The following ALKBH5 variants were observed in gnomAD, a reference collection of about 807,000 sequenced individuals.
The protein encoded by ALKBH5 is alkB homolog 5, RNA demethylase.
Under a neutral mutation model 32.1 loss-of-function variants are expected in ALKBH5, and 2 were observed. The ratio of observed to expected loss-of-function variants is 0.06; its 90% CI spans 0.03 to 0.20. The LOEUF is 0.20. ALKBH5 is among the 10% of genes least tolerant of loss of function. The pLI, the probability that ALKBH5 is intolerant of heterozygous loss-of-function variation, is 1.00. For missense variants in ALKBH5, 352 were observed against 559.5 expected (o/e 0.63, Z 3.74); for synonymous variants, 300 against 231.7 (o/e 1.29, Z -2.68).
At chr17:18,203,191 A>T (rs890939041) in intron 2 of ALKBH5, among the ~76,000 whole-genome samples, 1 of 151,710 alleles carries the variant, frequency 6.6e-6, no homozygotes, top group South Asian at 2.1e-4. Context: ...AAGTGCTGGG[A>T]TTACAGGTGT....
chr17:18,208,488 G>GTTTTTGT lies in ALKBH5; in HGVS notation c.*112_*118dup, dbSNP rs142135062. 7.8e-7 allele frequency: 1 copy of GTTTTTGT among 1,276,040 alleles called. No individual in the cohort carries two copies. Among genetic ancestry groups the GTTTTTGT allele is most frequent in the Non-Finnish European group, 1.1e-6 (1 of 901,774 alleles). The allele number at this position is 1,276,040 out of a possible 1,614,324, so 79.0% of individuals were successfully genotyped here. A position where few individuals can be genotyped will look rare whatever the true frequency, so the allele number is the denominator to read the frequency against. On this transcript the variant is annotated 3_prime_UTR_variant, in exon 4 of 4. Coordinates refer to ENST00000399138, the MANE Select transcript of ALKBH5 (RefSeq NM_017758.4). ...GGGTTTTGTTTTTGTTCATTGGGGG[G>GTTTTTGT]TTTTTGTTTTTTGTTTTTTGTTTTT...
intron 2 of ALKBH5, among the ~76,000 whole-genome samples, chr17:18,196,742 C>T (rs2047206689): frequency 6.6e-6 from 1 of 152,154 alleles, no homozygotes; most frequent in Non-Finnish European, 1.5e-5. Flanking sequence ...ATACTGTACC[C>T]TTAGGAAGGA....
chr17:18,189,241 G>C (rs12450483), intron 1 of ALKBH5, among the ~76,000 whole-genome samples: 23,836 of 151,990 alleles, frequency 0.16, 2,511 homozygotes, highest in East Asian at 0.54. Context: ...AATTAGCTGG[G>C]TGTGGTGGCG....
chr17:18,196,033 CCTATTTGTT>C (rs988609132), intron 2 of ALKBH5, among the ~76,000 whole-genome samples: 1 of 152,070 alleles, frequency 6.6e-6, no homozygotes, highest in Non-Finnish European at 1.5e-5. Context: ...TCCCATTTCT[CCTATTTGTT>C]AATTTTTTAT....
intron 1 of ALKBH5, among the ~76,000 whole-genome samples, chr17:18,187,053 T>C (rs1285753207): frequency 6.6e-6 from 1 of 152,118 alleles, no homozygotes; most frequent in African/African-American, 2.4e-5. Context: ...ACTAGGGATT[T>C]GGTGGAGCCT....
chr17:18,209,288 G>A lies in ALKBH5; in HGVS notation c.*892G>A, dbSNP rs1209340211. 6.5e-6 allele frequency: 1 copy of A among 152,712 alleles called. No individual in the cohort carries two copies. The highest frequency in any genetic ancestry group is 2.4e-5 in the African/African-American group (1 of 41,452). 9.5% of individuals were successfully genotyped at this position (152,712 alleles called of 1,614,324 possible). On this transcript the variant is annotated 3_prime_UTR_variant, in exon 4 of 4. Coordinates refer to ENST00000399138, the MANE Select transcript of ALKBH5 (RefSeq NM_017758.4). ...GAAAATTGTTGTGGTGTGTGGTAGG[G>A]TTTTTGTTTTCTTTTTTGAGTTTTT...
At chr17:18,207,186 G>C (rs955590546) in intron 3 of ALKBH5, among the ~76,000 whole-genome samples, 3 of 152,214 alleles carry the variant, frequency 2.0e-5, no homozygotes, top group Non-Finnish European at 1.5e-5. Context: ...GGCAGAGACT[G>C]TAACAGATGG....
chr17:18,200,173 A>G (rs1301836322), intron 2 of ALKBH5, among the ~76,000 whole-genome samples: 1 of 150,958 alleles, frequency 6.6e-6, no homozygotes, highest in African/African-American at 2.4e-5. Flanking sequence ...TGAGCTTGGT[A>G]GATCTGGCCC....
Position 18,208,373 on chromosome 17 carries a change from A to G in ALKBH5, c.1162A>G (p.Lys388Glu). 2 of 1,613,366 alleles carry G rather than the reference A, an allele frequency of 1.2e-6. No homozygotes were observed. The highest frequency in any genetic ancestry group is 1.7e-6 in the Non-Finnish European group (2 of 1,179,598). ...CSEAAGSPARKVKMRRH is the reference protein window; with the variant it reads ...CSEAAGSPAREVKMRRH ...TGAGGCAGCAGGCAGCCCTGCCCGAAAGGTGAAGATGCGGCGGCACTGAGT... is the reference window on the plus strand; with the variant it reads ...TGAGGCAGCAGGCAGCCCTGCCCGAGAGGTGAAGATGCGGCGGCACTGAGT... Residue 388 changes from lysine to glutamate, a missense_variant, in exon 4 of 4, where the codon AAG becomes GAG. Coordinates refer to ENST00000399138, the MANE Select transcript of ALKBH5 (RefSeq NM_017758.4).
intron 2 of ALKBH5, among the ~76,000 whole-genome samples, chr17:18,201,785 AGGATAGATAAGATAGAT>A (rs2047238895): frequency 4.6e-5 from 5 of 107,770 alleles, no homozygotes; most frequent in East Asian, 3.0e-4. Flanking sequence ...ATAGATAGAT[AGGATAGATAAGATAGAT>A]AGATAGATAG....
Position 18,208,497 on chromosome 17 carries a change from T to C in ALKBH5, c.*101T>C. 1 of 1,308,866 alleles carries C rather than the reference T, an allele frequency of 7.6e-7. No homozygotes were observed. The highest frequency in any genetic ancestry group is 1.1e-6 in the Non-Finnish European group (1 of 938,270). The allele number at this position is 1,308,866 out of a possible 1,614,324, so 81.1% of individuals were successfully genotyped here. ...TTTTGTTCATTGGGGGGTTTTTGTT[T>C]TTTGTTTTTTGTTTTTTTTGATTCT... On this transcript the variant is annotated 3_prime_UTR_variant, in exon 4 of 4. Transcript: ENST00000399138.
At chr17:18,192,683 G>A (rs2047183558) in intron 1 of ALKBH5, among the ~76,000 whole-genome samples, 1 of 152,172 alleles carries the variant, frequency 6.6e-6, no homozygotes, top group Non-Finnish European at 1.5e-5. Context: ...ACTGTGGGCT[G>A]ATGGGTATTA....
At chr17:18,203,846 CA>C (rs1205953467) in intron 2 of ALKBH5, among the ~76,000 whole-genome samples, 10 of 152,140 alleles carry the variant, frequency 6.6e-5, no homozygotes, top group African/African-American at 2.2e-4. Context: ...ATAACAGTCC[CA>C]GGGGATGTGT....
At chr17:18,202,346 A>T (rs899690663) in intron 2 of ALKBH5, among the ~76,000 whole-genome samples, 1 of 152,028 alleles carries the variant, frequency 6.6e-6, no homozygotes, top group African/African-American at 2.4e-5. Flanking sequence ...CAGAAGTCTG[A>T]TGTTGGCAGG....
At chr17:18,204,373 C>T (rs966089795) in intron 2 of ALKBH5, among the ~76,000 whole-genome samples, 3 of 151,376 alleles carry the variant, frequency 2.0e-5, no homozygotes, top group Non-Finnish European at 2.9e-5. Context: ...GTTGCTTGAA[C>T]GCGGGAGGCG....
chr17:18,191,832 C>A (rs946892494), intron 1 of ALKBH5, among the ~76,000 whole-genome samples: 15 of 151,842 alleles, frequency 9.9e-5, no homozygotes, highest in Admixed American at 2.0e-4. Flanking sequence ...GCCTGTAGTC[C>A]CAGTTACTTG....
At chr17:18,207,634 G>C (rs1187726750) in intron 3 of ALKBH5, among the ~76,000 whole-genome samples, 1 of 151,588 alleles carries the variant, frequency 6.6e-6, no homozygotes, top group Non-Finnish European at 1.5e-5. Context: ...CTGCACTCCA[G>C]CCTGTGCGAC....
chr17:18,202,357 G>A (rs2047247090), intron 2 of ALKBH5, among the ~76,000 whole-genome samples: 1 of 152,122 alleles, frequency 6.6e-6, no homozygotes, highest in Non-Finnish European at 1.5e-5. Flanking sequence ...TGTTGGCAGG[G>A]GGCTGGTGGA....
intron 2 of ALKBH5, among the ~76,000 whole-genome samples, chr17:18,198,892 G>A (rs945604072): frequency 6.6e-6 from 1 of 152,146 alleles, no homozygotes; most frequent in African/African-American, 2.4e-5. Flanking sequence ...CTGTCCCTTG[G>A]TGTTATAATG....
Sources: gnomAD v4.1 joint callset for allele counts (sites outside exome capture counted in the v4.1 genomes callset) on GRCh38, gnomAD v4.1.1 for gene constraint, MANE v1.5 for transcripts, NCBI Gene and HGNC (gene_info 2026-07-23, HGNC 2026-07-21) for gene names.